The following CASK variants were observed in gnomAD, a reference collection of about 807,000 sequenced individuals.
CASK encodes the protein calcium/calmodulin dependent serine protein kinase, also known as peripheral plasma membrane protein CASK.
Under a neutral mutation model 82.9 loss-of-function variants are expected in CASK, and 4 were observed. The ratio of observed to expected loss-of-function variants is 0.05; its 90% CI spans 0.02 to 0.11. The LOEUF (loss-of-function observed/expected upper bound fraction) is 0.11, where lower values mean the gene tolerates loss of function less well. Ranked by LOEUF, CASK falls within the 10% of genes least tolerant of loss-of-function variation. The pLI is 1.00. For synonymous variants in CASK, 259 were observed against 253.5 expected, an observed-to-expected ratio of 1.02 and a Z score of -0.20; for missense variants, 358 against 720.9, an observed-to-expected ratio of 0.50 and a Z score of 5.76.
At chrX:41,749,013 A>G (rs1186749779) in intron 3 of CASK, among the ~76,000 whole-genome samples, 1 of 111,676 alleles carries the variant, frequency 9.0e-6, no homozygotes, top group Non-Finnish European at 1.9e-5. Flanking sequence ...GGCCGGACAC[A>G]GTGGCTCACA....
rs1336955738 is a variant in CASK at position 41,745,521 on chromosome X, T to C, written c.356+3A>G. The C allele has an allele frequency of 8.6e-7, 1 of 1,167,276 alleles. No individual in the cohort carries two copies. On this transcript the variant is annotated splice_donor_region_variant and intron_variant, in intron 4 of 26. Transcript: ENST00000378163. ...CTCTGGTGATTAGATATACAATACA[T>C]ACCTGGCTACAGCTTCACTGTACAC...
At chrX:41,587,089 G>T in intron 13 of CASK, 102 bp from the exon 14 acceptor site, 1 of 513,251 alleles carries the variant, frequency 1.9e-6, no homozygotes, top group Non-Finnish European at 3.3e-6. Flanking sequence ...TTTATGGCAG[G>T]CAAAACAATT....
chrX:41,719,738 C>G (rs1473233778), intron 5 of CASK, among the ~76,000 whole-genome samples: 2 of 111,740 alleles, frequency 1.8e-5, no homozygotes, highest in African/African-American at 3.3e-5. Context: ...TCCCGATTGG[C>G]TAGCAACTTA....
At chrX:41,671,854 T>A (rs1265047362) in intron 5 of CASK, among the ~76,000 whole-genome samples, 1 of 111,832 alleles carries the variant, frequency 8.9e-6, no homozygotes, top group Non-Finnish European at 1.9e-5. Context: ...TGCAATATTG[T>A]CTTCCTTTGA....
intron 3 of CASK, among the ~76,000 whole-genome samples, chrX:41,762,714 G>C (rs1424865666): frequency 9.0e-6 from 1 of 111,299 alleles, no homozygotes; most frequent in Non-Finnish European, 1.9e-5. Flanking sequence ...CTTACCGATG[G>C]TTTTATTTGT....
At chrX:41,774,981 C>T (rs2069323591) in intron 3 of CASK, among the ~76,000 whole-genome samples, 1 of 111,398 alleles carries the variant, frequency 9.0e-6, no homozygotes, top group Admixed American at 9.5e-5. Context: ...TGGGCAAGGA[C>T]TTCATGTCTA....
intron 8 of CASK, among the ~76,000 whole-genome samples, chrX:41,652,539 C>G (rs930680221): frequency 4.5e-5 from 5 of 111,541 alleles, no homozygotes; most frequent in African/African-American, 1.3e-4. Flanking sequence ...GGGGTGGTCA[C>G]AGGAAAGACC....
At position 41,921,728 on chromosome X, in the gene CASK, T is replaced by C. The variant is rs913680437; in HGVS notation, c.59+1202A>G. The stretch of plus-strand genomic sequence containing the variant: ...GAGGCAACACTGTAATACCTCAATA[T>C]GGAAAGAAAAGGAAACAAATTAGCA... On this transcript the variant is annotated intron_variant, in intron 1 of 26. Transcript: ENST00000378163. Among the ~76,000 whole-genome samples, 4 of 110,499 alleles carry C rather than the reference T, an allele frequency of 3.6e-5. No homozygotes were observed. The Admixed American group carries it at 3.8e-4, about 11-fold the overall frequency.
rs764079793 is a variant in CASK, at chrX:41,814,148, G to C, written c.173-26865C>G. On this transcript the variant is annotated intron_variant, in intron 2 of 26. Transcript: ENST00000378163. ...GAACACTTTTACACTGTTGGTGGGAGTGTAAACTAGTTCAACCATTGTGGA... is the reference window on the plus strand; with the variant it reads ...GAACACTTTTACACTGTTGGTGGGACTGTAAACTAGTTCAACCATTGTGGA... Among the ~76,000 whole-genome samples, 734 of 111,962 alleles carry C rather than the reference G, an allele frequency of 6.6e-3. 3 individuals are homozygous for C. Among genetic ancestry groups the C allele is most frequent in the African/African-American group, 0.021 (649 of 30,816 alleles).
intron 13 of CASK, chrX:41,587,878 C>T (rs10482557): frequency 9.0e-6 from 1 of 111,610 alleles, no homozygotes; most frequent in African/African-American, 3.3e-5. Context: ...GCATTACACT[C>T]AACTGAATTC....
At chrX:41,609,647 T>A (rs1176288867) in intron 12 of CASK, among the ~76,000 whole-genome samples, 1 of 107,099 alleles carries the variant, frequency 9.3e-6, no homozygotes, top group African/African-American at 3.4e-5. Context: ...GCCTCCCGGG[T>A]TCAAGTGATT....
intron 10 of CASK, among the ~76,000 whole-genome samples, chrX:41,624,692 T>TTG (rs771388078): frequency 1.5e-3 from 168 of 111,223 alleles, no homozygotes; most frequent in African/African-American, 5.2e-3. Context: ...TGGTAAGAAA[T>TTG]TGTGTGTGTG....
chrX:41,536,541 A>G (rs1450882389), intron 22 of CASK, among the ~76,000 whole-genome samples: 4 of 112,088 alleles, frequency 3.6e-5, no homozygotes, highest in African/African-American at 1.3e-4. Flanking sequence ...AATGCAAAAT[A>G]AGATACTTGG....
chrX:41,862,542 GAAAA>G (rs35462461), intron 1 of CASK, among the ~76,000 whole-genome samples: 2 of 32,863 alleles, frequency 6.1e-5, no homozygotes, highest in African/African-American at 1.4e-4. Context: ...CTCTGTCTCA[GAAAA>G]AAAAAAAAAA....
intron 2 of CASK, among the ~76,000 whole-genome samples, chrX:41,839,768 T>C (rs896627472): frequency 1.8e-5 from 2 of 111,887 alleles, no homozygotes; most frequent in African/African-American, 6.5e-5. Context: ...AAATGTAAGG[T>C]CTATGTCTAA....
intron 5 of CASK, chrX:41,727,861 G>C (rs1247918911): frequency 8.3e-7 from 1 of 1,198,990 alleles, no homozygotes; most frequent in Admixed American, 2.2e-5. Flanking sequence ...ACACCAAAGA[G>C]ATAACTGTCA....
At chrX:41,898,395 T>C (rs187336432) in intron 1 of CASK, among the ~76,000 whole-genome samples, 64 of 111,895 alleles carry the variant, frequency 5.7e-4, no homozygotes, top group Non-Finnish European at 1.0e-3. Context: ...ACCAACTCAG[T>C]TCTGTTGATA....
chrX:41,804,666 G>C (rs1488910840), intron 2 of CASK, among the ~76,000 whole-genome samples: 1 of 111,364 alleles, frequency 9.0e-6, no homozygotes, highest in Non-Finnish European at 1.9e-5. Context: ...ACAGGTCCTG[G>C]CTCTCTTCTT....
chrX:41,645,081 C>T (rs148574041), intron 8 of CASK, among the ~76,000 whole-genome samples: 1,511 of 111,049 alleles, frequency 0.014, 18 homozygotes, highest in African/African-American at 0.046. Flanking sequence ...TATTCGCACA[C>T]TCCTTCCTCT....
Sources: allele counts gnomAD v4.1 joint callset (sites outside exome capture counted in the v4.1 genomes callset), GRCh38; gene constraint gnomAD v4.1.1; transcripts MANE v1.5; gene names NCBI Gene and HGNC (gene_info 2026-07-23, HGNC 2026-07-21).